FRMD5: variants seen among roughly 807,000 people sequenced by gnomAD.
FRMD5 encodes the protein FERM domain-containing protein 5.
A neutral mutation model predicts 69.0 loss-of-function variants in FRMD5; 20 were observed. The observed-to-expected ratio is 0.29, with a 90% CI of 0.20 to 0.42. The LOEUF is 0.42. Among genes scored for constraint, FRMD5 ranks in the 10% least tolerant of loss-of-function variants. The pLI is 1.00. For missense variants in FRMD5, 595 were observed against 708.6 expected (o/e 0.84, Z 1.82); for synonymous variants, 271 against 260.1 (o/e 1.04, Z -0.40).
At chr15:44,178,175 T>C in intron 1 of FRMD5, among the ~76,000 whole-genome samples, 1 of 151,524 alleles carries the variant, frequency 6.6e-6, no homozygotes, top group Admixed American at 6.6e-5. Context: ...CACACAAAAA[T>C]TTGCCAGGCA....
intron 1 of FRMD5, among the ~76,000 whole-genome samples, chr15:44,058,563 G>A (rs1892961840): frequency 6.6e-6 from 1 of 152,168 alleles, no homozygotes; most frequent in African/African-American, 2.4e-5. Flanking sequence ...GAGGTGGGCA[G>A]ATCACAACGT....
chr15:43,878,603 A>C (rs1393308791), intron 13 of FRMD5, among the ~76,000 whole-genome samples: 1 of 152,246 alleles, frequency 6.6e-6, no homozygotes, highest in Non-Finnish European at 1.5e-5. Flanking sequence ...CTGATAAAGC[A>C]GAAACCTTAA....
chr15:44,176,311 G>A (rs924790703), intron 1 of FRMD5, among the ~76,000 whole-genome samples: 4 of 152,118 alleles, frequency 2.6e-5, no homozygotes, highest in African/African-American at 9.7e-5. Flanking sequence ...GATTGCGCTG[G>A]ACAACTGGAT....
intron 1 of FRMD5, among the ~76,000 whole-genome samples, chr15:44,164,839 C>T (rs2077681938): frequency 6.6e-6 from 1 of 152,136 alleles, no homozygotes; most frequent in African/African-American, 2.4e-5. Flanking sequence ...ACAGCTGCAC[C>T]ACCAGTATGA....
intron 1 of FRMD5, among the ~76,000 whole-genome samples, chr15:43,969,340 C>A (rs1380088826): frequency 6.6e-6 from 1 of 152,144 alleles, no homozygotes; most frequent in Non-Finnish European, 1.5e-5. Context: ...CCTCAGCCTC[C>A]CAAAGTTTTG....
rs755859661 is a variant in FRMD5, at chr15:43,924,333, G to A, written c.103-24C>T. On this transcript the variant is annotated intron_variant, in intron 1 of 13. Coordinates refer to ENST00000417257, the MANE Select transcript of FRMD5 (RefSeq NM_032892.5). ...CTCTGCAAAGAAAGAAAACTCCATT[G>A]AGAAATGAGTGGGTTTCTTCAGTGT... 6 of 1,553,336 alleles carry A rather than the reference G, an allele frequency of 3.9e-6. No individual in the cohort carries two copies. The South Asian group carries it at 6.8e-5, about 18-fold the overall frequency.
intron 1 of FRMD5, among the ~76,000 whole-genome samples, chr15:43,929,719 T>C (rs1203594176): frequency 6.6e-6 from 1 of 152,090 alleles, no homozygotes; most frequent in Non-Finnish European, 1.5e-5. Context: ...GTTGAACGAG[T>C]TGTCCTTGGA....
chr15:44,075,917 G>C (rs1893739793), intron 1 of FRMD5, among the ~76,000 whole-genome samples: 1 of 152,168 alleles, frequency 6.6e-6, no homozygotes, highest in African/African-American at 2.4e-5. Flanking sequence ...GATGGCCAGT[G>C]ATGATGAGCA....
Position 43,902,276 on chromosome 15 carries a change from G to A in FRMD5, c.552-14C>T, listed in dbSNP as rs750173752. ...GGTGTTTGACCACTGGAATAAAGAA[G>A]ATGAGATGATTTCAAGGTGTCTTGT... is the stretch of plus-strand genomic sequence containing the variant. On this transcript the variant is annotated splice_polypyrimidine_tract_variant and intron_variant, in intron 6 of 13. Coordinates refer to ENST00000417257, the MANE Select transcript of FRMD5 (RefSeq NM_032892.5). 1.2e-5 allele frequency: 19 copies of A among 1,604,428 alleles called. No individual in the cohort carries two copies. The highest frequency in any genetic ancestry group is 2.2e-5 in the East Asian group (1 of 44,856).
At chr15:43,946,112 C>T (rs1566852808) in intron 1 of FRMD5, among the ~76,000 whole-genome samples, 1 of 152,086 alleles carries the variant, frequency 6.6e-6, no homozygotes, top group Non-Finnish European at 1.5e-5. Flanking sequence ...CAAATCTCTC[C>T]TCCTCTTGGC....
intron 1 of FRMD5, chr15:43,989,253 A>T: frequency 2.5e-6 from 2 of 791,614 alleles, no homozygotes; most frequent in East Asian, 4.9e-5. Flanking sequence ...TCTGCATCCT[A>T]TCGGCGATGC....
intron 4 of FRMD5, among the ~76,000 whole-genome samples, chr15:43,915,906 C>T (rs1026705585): frequency 3.3e-5 from 5 of 152,130 alleles, no homozygotes; most frequent in South Asian, 2.1e-4. Context: ...GGATGAATTA[C>T]GGATGTTGAG....
At chr15:44,028,141 G>T (rs972368167) in intron 1 of FRMD5, among the ~76,000 whole-genome samples, 24 of 152,178 alleles carry the variant, frequency 1.6e-4, no homozygotes, top group Non-Finnish European at 2.9e-4. Context: ...TCTATGACAT[G>T]CAGGAAAACA....
intron 7 of FRMD5, among the ~76,000 whole-genome samples, chr15:43,899,446 G>C (rs1595496269): frequency 6.6e-6 from 1 of 152,082 alleles, no homozygotes; most frequent in Non-Finnish European, 1.5e-5. Context: ...CATAACAACG[G>C]GTAGTGACTT....
intron 1 of FRMD5, among the ~76,000 whole-genome samples, chr15:44,106,887 C>T (rs1199505485): frequency 1.3e-5 from 2 of 152,140 alleles, no homozygotes; most frequent in Non-Finnish European, 2.9e-5. Context: ...CTTTACACTG[C>T]TAAAAATGAC....
chr15:43,955,932 A>T (rs1016398278), intron 1 of FRMD5, among the ~76,000 whole-genome samples: 3 of 152,184 alleles, frequency 2.0e-5, no homozygotes, highest in Non-Finnish European at 4.4e-5. Flanking sequence ...AGTTTACCAC[A>T]GGTAAGACAA....
chr15:44,056,113 G>T (rs1892860406), intron 1 of FRMD5, among the ~76,000 whole-genome samples: 1 of 152,146 alleles, frequency 6.6e-6, no homozygotes, highest in African/African-American at 2.4e-5. Context: ...ATTCACTGAA[G>T]AACTTAAAGC....
At chr15:44,072,965 A>G (rs1893605014) in intron 1 of FRMD5, among the ~76,000 whole-genome samples, 1 of 152,082 alleles carries the variant, frequency 6.6e-6, no homozygotes, top group African/African-American at 2.4e-5. Context: ...CCCCATCTCA[A>G]TTTTTAAAAA....
At chr15:44,143,564 A>T (rs2077305272) in intron 1 of FRMD5, among the ~76,000 whole-genome samples, 1 of 151,260 alleles carries the variant, frequency 6.6e-6, no homozygotes, top group Non-Finnish European at 1.5e-5. Context: ...AATTACAAAA[A>T]CCCATTCTTT....
Sources: allele counts gnomAD v4.1 joint callset (sites outside exome capture counted in the v4.1 genomes callset), GRCh38; gene constraint gnomAD v4.1.1; transcripts MANE v1.5; gene names NCBI Gene and HGNC (gene_info 2026-07-23, HGNC 2026-07-21).